Variants in APIP observed in about 807,000 individuals in gnomAD.
APIP encodes the protein methylthioribulose-1-phosphate dehydratase.
A neutral mutation model predicts 32.0 loss-of-function variants in APIP; 32 were observed. That is an observed-to-expected ratio of 1.00 (90% CI 0.76 to 1.34). The LOEUF is 1.34. APIP is among the 40% of genes most tolerant of loss of function. The probability of loss-of-function intolerance (pLI) is 0.00; values close to 1 mark genes in which losing one functional copy is unlikely to be tolerated. For missense variants in APIP, 247 were observed against 298.6 expected (o/e 0.83, Z 1.27); for synonymous variants, 92 against 94.8 (o/e 0.97, Z 0.17).
At chr11:34,894,983 C>T in intron 2 of APIP, 27 bp downstream of exon 2, 1 of 1,580,750 alleles carries the variant, frequency 6.3e-7, no homozygotes, top group South Asian at 1.1e-5. Flanking sequence ...GGAGAGTTCC[C>T]AGTAATAAAG....
rs1003080428 is a variant in APIP at position 34,898,944 on chromosome 11, G to A, written c.58-3834C>T. On this transcript the variant is annotated intron_variant, in intron 1 of 6. Transcript: ENST00000395787. The stretch of plus-strand genomic sequence containing the variant: ...CTCCCGAGTAGCTGGGACTACAGGC[G>A]CCCGCCACCGCGCCCAGCTAATTGT... Among the ~76,000 whole-genome samples the A allele has an allele frequency of 2.0e-5, 3 of 151,990 alleles. No individual in the cohort carries two copies. The East Asian group carries it at 5.8e-4, about 29-fold the overall frequency.
chr11:34,915,831 C>A (rs946279044), intron 1 of APIP: 46 of 264,160 alleles, frequency 1.7e-4, no homozygotes, highest in African/African-American at 9.7e-4. Flanking sequence ...AAACGCCTAA[C>A]TGGTCGTCAG....
chr11:34,913,948 C>A (rs7105167), intron 1 of APIP, among the ~76,000 whole-genome samples: 28,716 of 152,060 alleles, frequency 0.19, 3,861 homozygotes, highest in African/African-American at 0.39. Context: ...CTGGCCCCTA[C>A]TTTATGTTCC....
intron 6 of APIP, 62 bp downstream of exon 6, chr11:34,883,273 CTT>C (rs1440882381): frequency 2.4e-5 from 35 of 1,470,076 alleles, no homozygotes; most frequent in Non-Finnish European, 3.2e-5. Context: ...AACTGACATA[CTT>C]TGTTTTCCTT....
At chr11:34,907,635 A>G (rs1487666985) in intron 1 of APIP, among the ~76,000 whole-genome samples, 1 of 152,198 alleles carries the variant, frequency 6.6e-6, no homozygotes, top group East Asian at 1.9e-4. Context: ...AATTGACAAG[A>G]AGGAAAGGTT....
chr11:34,900,960 T>C (rs1342958624), intron 1 of APIP, among the ~76,000 whole-genome samples: 4 of 151,590 alleles, frequency 2.6e-5, no homozygotes, highest in African/African-American at 7.3e-5. Flanking sequence ...TTTATCCCGA[T>C]TCAATCAAGG....
chr11:34,883,602 G>C (rs2133901399), intron 5 of APIP, 98 bp from the exon 6 acceptor site: 7 of 1,214,016 alleles, frequency 5.8e-6, no homozygotes, highest in Non-Finnish European at 8.0e-6. Flanking sequence ...TAGACATGCT[G>C]TTTGTGTCTG....
At position 34,890,544 on chromosome 11, in the gene APIP, A is replaced by G; in HGVS notation, c.167T>C (p.Ile56Thr). 6.2e-7 allele frequency: 1 copy of G among 1,609,978 alleles called. No individual in the cohort carries two copies. Residue 56 changes from isoleucine (I) to threonine (T), a missense_variant, in exon 3 of 7, where the codon ATC becomes ACC. By Grantham distance (89) the Ile-to-Thr change is moderately conservative. Transcript: ENST00000395787. ...GGISLKHGDE[I>T]YIAPSGVQKE... is the part of the protein sequence containing the mutation. ...TTGCACTCCTGAAGGAGCAATGTAGATTTCATCGCTGGCAACACAAAACAT... is the reference window on the plus strand; with the variant it reads ...TTGCACTCCTGAAGGAGCAATGTAGGTTTCATCGCTGGCAACACAAAACAT...
At chr11:34,906,412 G>A (rs1853457116) in intron 1 of APIP, among the ~76,000 whole-genome samples, 1 of 152,204 alleles carries the variant, frequency 6.6e-6, no homozygotes, top group African/African-American at 2.4e-5. Flanking sequence ...ACTGGGGAGG[G>A]CATGCACATG....
At chr11:34,893,960 A>C (rs1853223570) in intron 2 of APIP, among the ~76,000 whole-genome samples, 1 of 152,250 alleles carries the variant, frequency 6.6e-6, no homozygotes, top group South Asian at 2.1e-4. Flanking sequence ...AGAATGAAGT[A>C]ATAAATCAAC....
chr11:34,908,898 T>G (rs1227331213), intron 1 of APIP, among the ~76,000 whole-genome samples: 2 of 152,214 alleles, frequency 1.3e-5, no homozygotes, highest in Non-Finnish European at 2.9e-5. Context: ...TTCTATGCTA[T>G]GCACAGGGCT....
chr11:34,885,471 T>A (rs928908707), intron 5 of APIP, among the ~76,000 whole-genome samples: 1 of 151,892 alleles, frequency 6.6e-6, no homozygotes, highest in Non-Finnish European at 1.5e-5. Context: ...GAGAGTACGT[T>A]TGGAAGAAGA....
chr11:34,912,817 C>T (rs1853578215), intron 1 of APIP, among the ~76,000 whole-genome samples: 1 of 152,194 alleles, frequency 6.6e-6, no homozygotes, highest in African/African-American at 2.4e-5. Context: ...TGAGTTAATG[C>T]TTAATAAACT....
At chr11:34,888,992 T>A in intron 3 of APIP, 123 bp from the exon 4 acceptor site, 1 of 464,222 alleles carries the variant, frequency 2.2e-6, no homozygotes, top group Non-Finnish European at 3.6e-6. Context: ...TACATACTTG[T>A]GTGTATATTT....
chr11:34,913,904 C>T (rs943355462), intron 1 of APIP, among the ~76,000 whole-genome samples: 7 of 152,168 alleles, frequency 4.6e-5, no homozygotes, highest in Non-Finnish European at 8.8e-5. Context: ...CTTTACCTCT[C>T]ACTAGCTTTT....
intron 3 of APIP, 138 bp from the exon 4 acceptor site, chr11:34,889,007 T>C (rs1853139162): frequency 4.9e-6 from 2 of 404,514 alleles, no homozygotes; most frequent in African/African-American, 4.1e-5. Flanking sequence ...ATATTTAGTA[T>C]ACATATACAT....
chr11:34,906,249 A>G (rs560728070), intron 1 of APIP, among the ~76,000 whole-genome samples: 1 of 152,172 alleles, frequency 6.6e-6, no homozygotes, highest in South Asian at 2.1e-4. Flanking sequence ...CTAGTTCCTG[A>G]CTTATTATTT....
chr11:34,900,868 T>C (rs2985383), intron 1 of APIP, among the ~76,000 whole-genome samples: 90,586 of 151,858 alleles, frequency 0.6, 28,290 homozygotes, highest in East Asian at 0.74. Flanking sequence ...TACTCTAAAC[T>C]GTCCATGATA....
At position 34,916,158 on chromosome 11, in the gene APIP, G is replaced by T. The variant is rs1008256125; in HGVS notation, c.57+70C>A. The T allele has an allele frequency of 1.2e-5, 18 of 1,557,740 alleles. No individual in the cohort carries two copies. In the Admixed American group the frequency reaches 3.3e-4, roughly 29 times the overall value. ...CGCCCGGCCCGCTACCCTGCGCCCA[G>T]CTCCAGCCGCCGGGTCCCGCCTGGG... On this transcript the variant is annotated intron_variant, in intron 1 of 6. Coordinates refer to ENST00000395787, the MANE Select transcript of APIP (RefSeq NM_015957.4).
Sources: gnomAD v4.1 joint callset for allele counts (sites outside exome capture counted in the v4.1 genomes callset) on GRCh38, gnomAD v4.1.1 for gene constraint, MANE v1.5 for transcripts, NCBI Gene and HGNC (gene_info 2026-07-23, HGNC 2026-07-21) for gene names.